NAALADL2: variants seen among roughly 807,000 people sequenced by gnomAD.
The protein encoded by NAALADL2 is inactive N-acetylated-alpha-linked acidic dipeptidase-like protein 2.
NAALADL2 carries 76 observed loss-of-function variants against 87.2 expected under a neutral mutation model. The observed-to-expected ratio is 0.87, with a 90% CI of 0.72 to 1.05. The LOEUF (loss-of-function observed/expected upper bound fraction) is 1.05, where lower values mean the gene tolerates loss of function less well. Ranked by LOEUF, NAALADL2 falls within the 50% of genes least tolerant of loss-of-function variation. The pLI, the probability that NAALADL2 is intolerant of heterozygous loss-of-function variation, is 0.00. For missense variants in NAALADL2, 1,089 were observed against 945.8 expected (o/e 1.15, Z -1.99); for synonymous variants, 354 against 331.0 (o/e 1.07, Z -0.75).
At chr3:174,506,339 C>G (rs1719205388) in intron 1 of NAALADL2, among the ~76,000 whole-genome samples, 1 of 151,886 alleles carries the variant, frequency 6.6e-6, no homozygotes, top group Admixed American at 6.6e-5. Context: ...CACCACCATA[C>G]CCGCCTAATT....
chr3:175,143,860 A>G (rs553577598), intron 2 of NAALADL2, among the ~76,000 whole-genome samples: 49 of 151,952 alleles, frequency 3.2e-4, no homozygotes, highest in Non-Finnish European at 5.9e-4. Flanking sequence ...GGATTTGAAT[A>G]CAGTATATTT....
chr3:174,465,801 A>G (rs985633150), intron 1 of NAALADL2, among the ~76,000 whole-genome samples: 4 of 152,136 alleles, frequency 2.6e-5, no homozygotes, highest in Non-Finnish European at 5.9e-5. Flanking sequence ...CTAAAGATAT[A>G]CACACTTTTT....
intron 1 of NAALADL2, among the ~76,000 whole-genome samples, chr3:174,905,442 AT>A (rs1394192997): frequency 2.6e-5 from 4 of 151,772 alleles, no homozygotes; most frequent in African/African-American, 9.6e-5. Flanking sequence ...TCAGTAGCAT[AT>A]TCGTAAAGTT....
At chr3:175,634,479 C>T (rs900981130) in intron 11 of NAALADL2, among the ~76,000 whole-genome samples, 12 of 151,946 alleles carry the variant, frequency 7.9e-5, no homozygotes, top group African/African-American at 2.4e-4. Context: ...CTTGAGATGC[C>T]ATTCTAAGCT....
rs1553857600 is a variant in NAALADL2 at position 175,314,696 on chromosome 3, A to ATATATATAGTTCTAAC, written c.940-9471_940-9470insGTTCTAACTATATATA. Among the ~76,000 whole-genome samples the ATATATATAGTTCTAAC allele has an allele frequency of 1.6e-3, 144 of 87,832 alleles. 6 individuals are homozygous for ATATATATAGTTCTAAC. Among genetic ancestry groups the ATATATATAGTTCTAAC allele is most frequent in the African/African-American group, 5.5e-3 (118 of 21,434 alleles). 57.6% of individuals were successfully genotyped at this position (87,832 alleles called of 152,430 possible). A position where few individuals can be genotyped will look rare whatever the true frequency, so the allele number is the denominator to read the frequency against. Reference sequence around the variant, plus strand: ...TATATATATATATATATATATATATATATATATATATATATATATATATAT... The same window carrying ATATATATAGTTCTAAC: ...TATATATATATATATATATATATATATATATATAGTTCTAACTATATATATATATATATATATATAT... On this transcript the variant is annotated intron_variant, in intron 4 of 13. Transcript: ENST00000454872.
chr3:175,490,569 G>A (rs921293446), intron 9 of NAALADL2, among the ~76,000 whole-genome samples: 1 of 112,146 alleles, frequency 8.9e-6, no homozygotes, highest in East Asian at 2.7e-4. Flanking sequence ...TTTTTTTTTT[G>A]TATTTTTACT....
At chr3:175,507,217 T>A (rs1258804553) in intron 9 of NAALADL2, among the ~76,000 whole-genome samples, 1 of 152,088 alleles carries the variant, frequency 6.6e-6, no homozygotes, top group Non-Finnish European at 1.5e-5. Context: ...CACCCTAAAG[T>A]TGTTTTACTA....
At chr3:175,209,569 A>G (rs1321791630) in intron 2 of NAALADL2, among the ~76,000 whole-genome samples, 1 of 152,060 alleles carries the variant, frequency 6.6e-6, no homozygotes, top group Non-Finnish European at 1.5e-5. Flanking sequence ...AATCATAGGA[A>G]AATTAGATGA....
intron 2 of NAALADL2, among the ~76,000 whole-genome samples, chr3:174,607,857 A>G (rs1420710783): frequency 6.6e-6 from 1 of 151,896 alleles, no homozygotes. Flanking sequence ...AATCAACAGA[A>G]TATACATTTT....
intron 1 of NAALADL2, among the ~76,000 whole-genome samples, chr3:175,067,366 A>G (rs1357219509): frequency 6.6e-6 from 1 of 152,156 alleles, no homozygotes; most frequent in Non-Finnish European, 1.5e-5. Context: ...ACTAATATCT[A>G]GATTTCATAA....
intron 9 of NAALADL2, among the ~76,000 whole-genome samples, chr3:175,504,752 G>T (rs1582164499): frequency 6.6e-6 from 1 of 152,198 alleles, no homozygotes; most frequent in Non-Finnish European, 1.5e-5. Context: ...TCCAAGCTAA[G>T]TTAGTGACCA....
intron 7 of NAALADL2, among the ~76,000 whole-genome samples, chr3:175,465,358 A>G (rs1723829080): frequency 6.6e-6 from 1 of 152,112 alleles, no homozygotes; most frequent in South Asian, 2.1e-4. Context: ...TTTATTTAGA[A>G]TGCAGACAAT....
chr3:175,170,700 A>T (rs1734680131), intron 2 of NAALADL2, among the ~76,000 whole-genome samples: 2 of 151,380 alleles, frequency 1.3e-5, no homozygotes, highest in Non-Finnish European at 1.5e-5. Flanking sequence ...AATAGAGAAA[A>T]ATTGGAAACT....
intron 2 of NAALADL2, among the ~76,000 whole-genome samples, chr3:174,655,485 A>C (rs1279912671): frequency 6.6e-6 from 1 of 151,954 alleles, no homozygotes; most frequent in African/African-American, 2.4e-5. Flanking sequence ...CCTCTCAAAG[A>C]TGATTTTGAA....
chr3:175,298,039 A>G (rs1230681166), intron 4 of NAALADL2, among the ~76,000 whole-genome samples: 4 of 152,168 alleles, frequency 2.6e-5, no homozygotes, highest in Non-Finnish European at 4.4e-5. Flanking sequence ...GATCCCATAT[A>G]AATACATGTT....
intron 2 of NAALADL2, among the ~76,000 whole-genome samples, chr3:175,153,881 T>C (rs1731923477): frequency 6.6e-6 from 1 of 152,206 alleles, no homozygotes; most frequent in African/African-American, 2.4e-5. Context: ...CATTGATTGG[T>C]TGGCTTTCAG....
chr3:175,314,673 T>TATAC (rs1471614287), intron 4 of NAALADL2, among the ~76,000 whole-genome samples: 3 of 806 alleles, frequency 3.7e-3, no homozygotes, highest in African/African-American at 0.028. Flanking sequence ...TAACTATATA[T>TATAC]ATATATATAT....
chr3:174,985,018 GT>G (rs1745662356), intron 1 of NAALADL2, among the ~76,000 whole-genome samples: 3 of 152,148 alleles, frequency 2.0e-5, no homozygotes, highest in Non-Finnish European at 4.4e-5. Flanking sequence ...GCTTCCTAAG[GT>G]CATGATGAAA....
intron 11 of NAALADL2, among the ~76,000 whole-genome samples, chr3:175,716,447 G>A (rs1741308031): frequency 6.6e-6 from 1 of 151,298 alleles, no homozygotes; most frequent in African/African-American, 2.4e-5. Context: ...AAAATGTTGG[G>A]GGAAGTCGAG....
Sources: allele counts gnomAD v4.1 joint callset (sites outside exome capture counted in the v4.1 genomes callset), GRCh38; gene constraint gnomAD v4.1.1; transcripts MANE v1.5; gene names NCBI Gene and HGNC (gene_info 2026-07-23, HGNC 2026-07-21).